The following EBF3 variants were observed in gnomAD, a reference collection of about 807,000 sequenced individuals.
EBF3 encodes EBF transcription factor 3.
In EBF3, 18 loss-of-function variants were observed where a neutral mutation model predicts 77.1. The observed-to-expected ratio is 0.23, with a 90% CI of 0.16 to 0.35. The LOEUF is 0.35. Among genes scored for constraint, EBF3 ranks in the 10% least tolerant of loss-of-function variants. The pLI is 1.00. For synonymous variants in EBF3, 350 were observed against 343.5 expected, an observed-to-expected ratio of 1.02 and a Z score of -0.21; for missense variants, 558 against 860.0, an observed-to-expected ratio of 0.65 and a Z score of 4.39.
chr10:129,962,224 C>A lies in EBF3; in HGVS notation c.358G>T (p.Val120Phe), dbSNP rs1418901358. Residue 120 changes from valine (V) to phenylalanine (F), a missense_variant and splice_region_variant, in exon 4 of 17, where the codon GTC (valine) becomes TTC (phenylalanine). Around this residue, in one of 5 missense-constraint regions of EBF3, gnomAD observed 84 missense variants for 142.3 expected, o/e 0.59. Coordinates refer to ENST00000440978, the MANE Select transcript of EBF3 (RefSeq NM_001375380.1). ...YKLQLLYSNGVRTEQDLYVRL... is the reference protein window; with the variant it reads ...YKLQLLYSNGFRTEQDLYVRL... ...ACATACAGATCTTGCTCTGTTCTGACTCCTGCAAAAAAACAGAGACAAATT... is the reference window on the plus strand; with the variant it reads ...ACATACAGATCTTGCTCTGTTCTGAATCCTGCAAAAAAACAGAGACAAATT... 6.2e-7 allele frequency: 1 copy of A among 1,614,092 alleles called. No individual in the cohort carries two copies. Among genetic ancestry groups the A allele is most frequent in the Non-Finnish European group, 8.5e-7 (1 of 1,179,998 alleles).
chr10:129,958,084 G>A (rs1466935532), intron 5 of EBF3, among the ~76,000 whole-genome samples: 1 of 152,158 alleles, frequency 6.6e-6, no homozygotes, highest in Non-Finnish European at 1.5e-5. Context: ...TGCAGAAGTG[G>A]ATAATAAAGA....
chr10:129,837,823 A>G lies in EBF3; in HGVS notation c.*120T>C. The G allele has an allele frequency of 7.3e-7, 1 of 1,368,350 alleles. No homozygotes were observed. The highest frequency in any genetic ancestry group is 1.0e-6 in the Non-Finnish European group (1 of 979,708). 84.8% of individuals were successfully genotyped at this position (1,368,350 alleles called of 1,614,324 possible). On this transcript the variant is annotated 3_prime_UTR_variant, in exon 17 of 17. Transcript: ENST00000440978. ...TTTTGTAGCATTTCAATTGCTGCTG[A>G]TTTTTTTGAAGATACTGTTTCCATC...
intron 15 of EBF3, among the ~76,000 whole-genome samples, chr10:129,839,794 C>G (rs1215498571): frequency 6.6e-6 from 1 of 152,216 alleles, no homozygotes; most frequent in Non-Finnish European, 1.5e-5. Flanking sequence ...CATGCCAGGG[C>G]TATTTTCGCT....
At chr10:129,840,134 A>G in intron 15 of EBF3, 111 bp downstream of exon 15, 1 of 1,372,574 alleles carries the variant, frequency 7.3e-7, no homozygotes, top group Admixed American at 2.4e-5. Flanking sequence ...CCACGGGAGA[A>G]CATGCAGCAG....
intron 6 of EBF3, among the ~76,000 whole-genome samples, chr10:129,956,499 AGGGT>A (rs1278813351): frequency 6.6e-6 from 1 of 152,122 alleles, no homozygotes; most frequent in Non-Finnish European, 1.5e-5. Context: ...CTGGGCGAGG[AGGGT>A]GGTGGTGTTT....
intron 6 of EBF3, among the ~76,000 whole-genome samples, chr10:129,918,440 G>A (rs1474323798): frequency 1.3e-5 from 2 of 152,208 alleles, no homozygotes; most frequent in Non-Finnish European, 2.9e-5. Context: ...AGATCTGGAG[G>A]AAGATCAGAA....
chr10:129,941,289 C>T (rs1397905242), intron 6 of EBF3, among the ~76,000 whole-genome samples: 2 of 152,196 alleles, frequency 1.3e-5, no homozygotes, highest in Non-Finnish European at 2.9e-5. Flanking sequence ...TCAGATGAGC[C>T]GGGCTGGAGC....
At chr10:129,960,033 C>A (rs1287354038) in intron 4 of EBF3, among the ~76,000 whole-genome samples, 1 of 151,912 alleles carries the variant, frequency 6.6e-6, no homozygotes, top group Admixed American at 6.5e-5. Context: ...CCGGCTCCGC[C>A]GCTGGGAACC....
intron 11 of EBF3, among the ~76,000 whole-genome samples, chr10:129,846,314 G>A (rs939855121): frequency 2.0e-5 from 3 of 151,738 alleles, no homozygotes; most frequent in African/African-American, 4.8e-5. Context: ...GCTTTCTGTC[G>A]CCCCACAATT....
intron 6 of EBF3, among the ~76,000 whole-genome samples, chr10:129,901,271 C>T (rs1454173752): frequency 6.6e-6 from 1 of 152,146 alleles, no homozygotes; most frequent in Non-Finnish European, 1.5e-5. Flanking sequence ...CTAAACTTAC[C>T]CTGTTTATTT....
chr10:129,940,760 C>G (rs1483529631), intron 6 of EBF3, among the ~76,000 whole-genome samples: 1 of 152,164 alleles, frequency 6.6e-6, no homozygotes, highest in Non-Finnish European at 1.5e-5. Context: ...CCTCCCCACC[C>G]AGGGGTGGCC....
intron 6 of EBF3, among the ~76,000 whole-genome samples, chr10:129,936,785 C>T (rs1020375974): frequency 6.6e-6 from 1 of 151,880 alleles, no homozygotes; most frequent in Admixed American, 6.6e-5. Context: ...TGGGGGGACC[C>T]TCAGCTGTGT....
At chr10:129,916,010 C>T (rs1005444903) in intron 6 of EBF3, among the ~76,000 whole-genome samples, 4 of 152,206 alleles carry the variant, frequency 2.6e-5, no homozygotes, top group Non-Finnish European at 4.4e-5. Flanking sequence ...CCATGATTCA[C>T]GTGGAGCTGG....
chr10:129,898,852 C>A (rs749483414), intron 6 of EBF3, among the ~76,000 whole-genome samples: 1 of 152,334 alleles, frequency 6.6e-6, no homozygotes, highest in South Asian at 2.1e-4. Flanking sequence ...GGCCCCGCTG[C>A]GCCTCCCGCA....
intron 4 of EBF3, among the ~76,000 whole-genome samples, chr10:129,960,628 C>CTT (rs34551386): frequency 3.8e-4 from 44 of 115,208 alleles, no homozygotes; most frequent in Middle Eastern, 4.7e-3. Context: ...TATTTCTTTC[C>CTT]TTTTTTTTTT....
rs1849665847 is a variant in EBF3 at position 129,837,264 on chromosome 10, CT to C, written c.*678del. 1 of 152,648 alleles carries C rather than the reference CT, an allele frequency of 6.6e-6. No homozygotes were observed. The highest frequency in any genetic ancestry group is 2.4e-5 in the African/African-American group (1 of 41,434). 9.5% of individuals were successfully genotyped at this position (152,648 alleles called of 1,614,324 possible). The stretch of plus-strand genomic sequence containing the variant: ...GTAGCATTTTTTCTCTGTCAGTGTG[CT>C]TGTTGAAGGCAAGAGAATTCAATAT... On this transcript the variant is annotated 3_prime_UTR_variant, in exon 17 of 17. Transcript: ENST00000440978.
intron 6 of EBF3, among the ~76,000 whole-genome samples, chr10:129,923,004 G>C (rs890409120): frequency 6.6e-6 from 1 of 152,198 alleles, no homozygotes; most frequent in African/African-American, 2.4e-5. Context: ...GCCCCTCTCC[G>C]GGTCTCGGCT....
chr10:129,862,130 C>G (rs1851685090), intron 10 of EBF3, among the ~76,000 whole-genome samples: 1 of 152,126 alleles, frequency 6.6e-6, no homozygotes, highest in African/African-American at 2.4e-5. Context: ...GACACACTGC[C>G]AGTTTTAAGG....
At chr10:129,932,594 G>A (rs1055449911) in intron 6 of EBF3, among the ~76,000 whole-genome samples, 23 of 152,324 alleles carry the variant, frequency 1.5e-4, no homozygotes, top group Non-Finnish European at 2.9e-4. Context: ...CAGGGCAGGG[G>A]GCACATGGTG....
Sources: gnomAD v4.1 joint callset for allele counts (sites outside exome capture counted in the v4.1 genomes callset) on GRCh38, gnomAD v4.1.1 for gene constraint, gnomAD v4.1.1 regional missense constraint, MANE v1.5 for transcripts, NCBI Gene and HGNC (gene_info 2026-07-23, HGNC 2026-07-21) for gene names.